SNX5: variants seen among roughly 807,000 people sequenced by gnomAD.
The protein encoded by SNX5 is sorting nexin-5.
Under a neutral mutation model 53.9 loss-of-function variants are expected in SNX5, and 31 were observed. That is an observed-to-expected ratio of 0.58 (90% CI 0.43 to 0.78). SNX5 has a LOEUF of 0.78. SNX5 is among the 30% of genes least tolerant of loss of function. The probability of loss-of-function intolerance (pLI) is 0.00; values close to 1 mark genes in which losing one functional copy is unlikely to be tolerated. For missense variants in SNX5, 471 were observed against 478.8 expected (o/e 0.98, Z 0.15); for synonymous variants, 168 against 171.1 (o/e 0.98, Z 0.14).
chr20:17,961,648 T>C (rs1295476845), intron 1 of SNX5: 28 of 984,490 alleles, frequency 2.8e-5, no homozygotes, highest in Non-Finnish European at 3.0e-5. Context: ...AATGACTTCC[T>C]AGTTTCCATT....
At chr20:17,950,792 G>A (rs936601216) in intron 6 of SNX5, among the ~76,000 whole-genome samples, 1 of 152,142 alleles carries the variant, frequency 6.6e-6, no homozygotes, top group African/African-American at 2.4e-5. Context: ...GTAGGCATTG[G>A]CCAAGGATGC....
chr20:17,954,247 C>T (rs2035316136), intron 3 of SNX5, 130 bp from the exon 4 acceptor site: 3 of 1,450,916 alleles, frequency 2.1e-6, no homozygotes, highest in African/African-American at 1.4e-5. Flanking sequence ...TAAAAGTCAA[C>T]TCCTGTTTTT....
intron 1 of SNX5, chr20:17,967,990 C>CA: frequency 2.5e-6 from 1 of 397,872 alleles, no homozygotes; most frequent in Non-Finnish European, 4.4e-6. Context: ...ATTTTGGGGG[C>CA]AACAAACCAA....
chr20:17,954,229 G>C lies in SNX5; in HGVS notation c.268-112C>G, dbSNP rs553508505. 104 of 1,498,658 alleles carry C rather than the reference G, an allele frequency of 6.9e-5. No homozygotes were observed. In the East Asian group the frequency reaches 2.4e-3, roughly 35 times the overall value. The allele number at this position is 1,498,658 out of a possible 1,614,324, so 92.8% of individuals were successfully genotyped here. ...AGGAGACAACCACTCCACTCCTGTG[G>C]GGCTATTTAAAAGTCAACTCCTGTT... On this transcript the variant is annotated intron_variant, in intron 3 of 12. Coordinates refer to ENST00000377759, the MANE Select transcript of SNX5 (RefSeq NM_014426.4).
At chr20:17,966,503 C>A (rs112615599) in intron 1 of SNX5, among the ~76,000 whole-genome samples, 1,689 of 152,300 alleles carry the variant, frequency 0.011, 35 homozygotes, top group African/African-American at 0.039. Context: ...ACACCCTCGG[C>A]TAAAGAATGT....
intron 10 of SNX5, among the ~76,000 whole-genome samples, chr20:17,947,891 TG>T (rs3215637): frequency 0.27 from 41,414 of 152,116 alleles, 5,965 homozygotes; most frequent in East Asian, 0.44. Flanking sequence ...GAAGGACTTT[TG>T]TTTTCCAGTA....
chr20:17,953,499 C>G (rs1306465303), intron 4 of SNX5, among the ~76,000 whole-genome samples: 1 of 152,160 alleles, frequency 6.6e-6, no homozygotes, highest in Non-Finnish European at 1.5e-5. Context: ...CACTATTTGG[C>G]CTGGCCCAGG....
chr20:17,954,742 G>A (rs1472901337), intron 3 of SNX5, among the ~76,000 whole-genome samples: 6 of 152,030 alleles, frequency 3.9e-5, no homozygotes, highest in Non-Finnish European at 5.9e-5. Context: ...AAAGAGTCTC[G>A]CTCTGTCACC....
chr20:17,956,000 T>G (rs2035347142), intron 2 of SNX5, among the ~76,000 whole-genome samples: 1 of 152,214 alleles, frequency 6.6e-6, no homozygotes, highest in Non-Finnish European at 1.5e-5. Context: ...TTTGCCATGT[T>G]GCCCAGGCTC....
At chr20:17,955,556 A>T (rs2035339196) in intron 2 of SNX5, 81 bp from the exon 3 acceptor site, 2 of 839,706 alleles carry the variant, frequency 2.4e-6, no homozygotes, top group Non-Finnish European at 4.0e-6. Context: ...ACAGTGGGAA[A>T]ATTCTGCATA....
rs950686219 is a variant in SNX5, at chr20:17,942,019, G to A, written c.*338C>T. ...CCTCCCTGACAATCATGGGTTTGTA[G>A]GGACATGGGCCAGGTGATGGCTTCT... On this transcript the variant is annotated 3_prime_UTR_variant, in exon 13 of 13. Coordinates refer to ENST00000377759, the MANE Select transcript of SNX5 (RefSeq NM_014426.4). 2.0e-5 allele frequency: 4 copies of A among 199,764 alleles called. No homozygotes were observed. Among genetic ancestry groups the A allele is most frequent in the African/African-American group, 9.5e-5 (4 of 42,268 alleles). 12.4% of individuals were successfully genotyped at this position (199,764 alleles called of 1,614,324 possible). A position where few individuals can be genotyped will look rare whatever the true frequency, so the allele number is the denominator to read the frequency against.
intron 2 of SNX5, among the ~76,000 whole-genome samples, chr20:17,955,890 C>T (rs981719055): frequency 1.3e-5 from 2 of 152,188 alleles, no homozygotes; most frequent in Non-Finnish European, 2.9e-5. Context: ...GCCTTCCAGG[C>T]TCTTAAGCCA....
At chr20:17,946,350 C>T (rs1355978929) in intron 11 of SNX5, among the ~76,000 whole-genome samples, 1 of 152,202 alleles carries the variant, frequency 6.6e-6, no homozygotes. Context: ...AGAACCCTGG[C>T]TCCTTGAAAA....
At chr20:17,961,636 T>C in intron 1 of SNX5, 1 of 984,298 alleles carries the variant, frequency 1.0e-6, no homozygotes, top group East Asian at 1.1e-4. Context: ...CATATCTATT[T>C]AAATGACTTC....
chr20:17,966,938 T>C (rs914391062), intron 1 of SNX5, among the ~76,000 whole-genome samples: 1 of 152,132 alleles, frequency 6.6e-6, no homozygotes, highest in African/African-American at 2.4e-5. Context: ...AGGGTAATTA[T>C]TTATTTTTAT....
In SNX5 at chr20:17,948,911, C is replaced by T. The variant is rs370183961; in HGVS notation, c.897G>A (p.Met299Ile). ...LKLTELLRYY[M>I]LNIEAAKDLL... The stretch of plus-strand genomic sequence containing the variant: ...CTACCTTAGCAGCTTCAATGTTGAG[C>T]ATGTAGTATCGGAGGAGCTCTGTTA... The change falls in exon 10 of 13, where the codon ATG becomes ATA. Residue 299 changes from methionine (M) to isoleucine (I), a missense_variant. Met to Ile is a conservative substitution (Grantham distance 10). Coordinates refer to ENST00000377759, the MANE Select transcript of SNX5 (RefSeq NM_014426.4). The T allele has an allele frequency of 6.2e-7, 1 of 1,611,960 alleles. No individual in the cohort carries two copies. Among genetic ancestry groups the T allele is most frequent in the Admixed American group, 1.7e-5 (1 of 60,022 alleles).
intron 12 of SNX5, chr20:17,942,664 G>A (rs898415622): frequency 3.8e-6 from 2 of 524,268 alleles, no homozygotes; most frequent in African/African-American, 3.8e-5. Context: ...GCCCTCACCT[G>A]CTTGCTCCTA....
chr20:17,968,248 C>G (rs1385358933), intron 1 of SNX5, 127 bp downstream of exon 1: 1 of 771,524 alleles, frequency 1.3e-6, no homozygotes, highest in Non-Finnish European at 1.8e-6. Context: ...CCGGGTCTCA[C>G]GGGTGCTTCC....
chr20:17,961,910 A>G, intron 1 of SNX5: 1 of 985,108 alleles, frequency 1.0e-6, no homozygotes, highest in Non-Finnish European at 1.2e-6. Flanking sequence ...AATATTTGTT[A>G]AGTGAGAATA....
Sources: allele counts gnomAD v4.1 joint callset (sites outside exome capture counted in the v4.1 genomes callset), GRCh38; gene constraint gnomAD v4.1.1; transcripts MANE v1.5; gene names NCBI Gene and HGNC (gene_info 2026-07-23, HGNC 2026-07-21).